The following RANBP2 variants were observed in gnomAD, a reference collection of about 807,000 sequenced individuals.
The protein encoded by RANBP2 is RAN binding protein 2.
RANBP2 carries 57 observed loss-of-function variants against 303.6 expected under a neutral mutation model. The ratio of observed to expected loss-of-function variants is 0.19; its 90% CI spans 0.15 to 0.23. RANBP2 has a LOEUF of 0.23. RANBP2 is among the 10% of genes least tolerant of loss of function. RANBP2 has a pLI of 1.00. For missense variants in RANBP2, 3,138 were observed against 3,780.8 expected (o/e 0.83, Z 4.46); for synonymous variants, 1,167 against 1,301.5 (o/e 0.90, Z 2.23).
the RANBP2 span, among the ~76,000 whole-genome samples, chr2:108,899,713 C>T: frequency 5.9e-5 from 9 of 152,266 alleles, no homozygotes; most frequent in Non-Finnish European, 8.8e-5. Context: ...AGGCTGGGCA[C>T]GGTGGCTCAC....
chr2:109,683,046 C>T, the RANBP2 span, among the ~76,000 whole-genome samples: 1 of 152,144 alleles, frequency 6.6e-6, no homozygotes, highest in African/African-American at 2.4e-5. Context: ...TGCTCTGTTG[C>T]CCAGGCTGGA....
the RANBP2 span, among the ~76,000 whole-genome samples, chr2:108,999,933 C>A: frequency 6.6e-6 from 1 of 152,078 alleles, no homozygotes; most frequent in East Asian, 1.9e-4. Context: ...TTAGTTCAGT[C>A]CCATCTTATG....
At chr2:109,096,601 G>GA in the RANBP2 span, among the ~76,000 whole-genome samples, 1 of 151,920 alleles carries the variant, frequency 6.6e-6, no homozygotes, top group African/African-American at 2.4e-5. Flanking sequence ...TAGAATAAAG[G>GA]AAAAAAACTG....
chr2:109,124,938 A>AAAAAAAACCCAAATT, the RANBP2 span, among the ~76,000 whole-genome samples: 1 of 152,144 alleles, frequency 6.6e-6, no homozygotes. Flanking sequence ...ATCGTAAATA[A>AAAAAAAACCCAAATT]TGTGCATCAA....
the RANBP2 span, among the ~76,000 whole-genome samples, chr2:109,477,098 A>G: frequency 1.3e-5 from 2 of 152,180 alleles, no homozygotes; most frequent in Admixed American, 6.5e-5. Context: ...TCTCAGCCTC[A>G]TGTTACCTAG....
At chr2:109,058,126 C>T in the RANBP2 span, among the ~76,000 whole-genome samples, 1 of 152,172 alleles carries the variant, frequency 6.6e-6, no homozygotes, top group Non-Finnish European at 1.5e-5. Context: ...CCAGTGATGC[C>T]CGTGGGCTCG....
At chr2:109,267,444 C>T in the RANBP2 span, among the ~76,000 whole-genome samples, 11 of 152,230 alleles carry the variant, frequency 7.2e-5, no homozygotes, top group African/African-American at 1.9e-4. Context: ...CTGAGGAAGC[C>T]TGGCTCCCGG....
intron 7 of RANBP2, among the ~76,000 whole-genome samples, chr2:108,743,866 A>G (rs1339621081): frequency 6.6e-6 from 1 of 152,238 alleles, no homozygotes; most frequent in African/African-American, 2.4e-5. Flanking sequence ...TTTCTGTAGA[A>G]TGAATATATA....
At chr2:109,430,113 C>G in the RANBP2 span, among the ~76,000 whole-genome samples, 23 of 152,314 alleles carry the variant, frequency 1.5e-4, no homozygotes, top group African/African-American at 4.1e-4. Context: ...ATGAGCCCCC[C>G]ACTCCAGAGG....
the RANBP2 span, among the ~76,000 whole-genome samples, chr2:108,810,291 G>C: frequency 6.6e-6 from 1 of 152,102 alleles, no homozygotes; most frequent in Non-Finnish European, 1.5e-5. Context: ...GTTATATATA[G>C]CTTTTAATGT....
At chr2:108,955,421 A>C in the RANBP2 span, among the ~76,000 whole-genome samples, 2 of 152,238 alleles carry the variant, frequency 1.3e-5, no homozygotes, top group African/African-American at 4.8e-5. Context: ...ATTTTCTTTC[A>C]GTCCCTTATT....
the RANBP2 span, among the ~76,000 whole-genome samples, chr2:108,833,203 T>G: frequency 2.0e-5 from 3 of 152,242 alleles, no homozygotes; most frequent in Non-Finnish European, 4.4e-5. Flanking sequence ...TGTCAAAATC[T>G]GTAGACTATA....
At chr2:109,646,617 G>A in the RANBP2 span, among the ~76,000 whole-genome samples, 5 of 150,604 alleles carry the variant, frequency 3.3e-5, no homozygotes, top group South Asian at 2.1e-4. Context: ...TCAGCCTCCC[G>A]AATAGCTGGG....
At chr2:109,448,130 G>C in the RANBP2 span, among the ~76,000 whole-genome samples, 1 of 152,206 alleles carries the variant, frequency 6.6e-6, no homozygotes, top group Non-Finnish European at 1.5e-5. Context: ...GCCAGTTCGG[G>C]ATCAAGAGTA....
the RANBP2 span, chr2:109,613,716 A>AG: frequency 1.1e-6 from 1 of 923,436 alleles, no homozygotes; most frequent in Non-Finnish European, 1.4e-6. Context: ...GGGCCGGACC[A>AG]GGGGGCCGGT....
At chr2:109,130,527 G>A in the RANBP2 span, among the ~76,000 whole-genome samples, 1 of 152,190 alleles carries the variant, frequency 6.6e-6, no homozygotes, top group Non-Finnish European at 1.5e-5. Flanking sequence ...ACAGGGCTCT[G>A]ATGGCTGCTC....
the RANBP2 span, among the ~76,000 whole-genome samples, chr2:108,844,283 A>T: frequency 6.6e-6 from 1 of 151,826 alleles, no homozygotes; most frequent in South Asian, 2.1e-4. Context: ...GGTTGTTTGC[A>T]GTTGTTCAGG....
the RANBP2 span, among the ~76,000 whole-genome samples, chr2:109,109,350 T>C: frequency 3.3e-5 from 5 of 152,342 alleles, no homozygotes; most frequent in Admixed American, 2.0e-4. Flanking sequence ...CAGGCACACA[T>C]GGAAGGCAGG....
the RANBP2 span, among the ~76,000 whole-genome samples, chr2:109,030,634 G>C: frequency 6.6e-6 from 1 of 152,194 alleles, no homozygotes; most frequent in African/African-American, 2.4e-5. Context: ...TTCTAGAATT[G>C]TACTTTCCTG....
Sources: gnomAD v4.1 joint callset for allele counts (sites outside exome capture counted in the v4.1 genomes callset) on GRCh38, gnomAD v4.1.1 for gene constraint, MANE v1.5 for transcripts, NCBI Gene and HGNC (gene_info 2026-07-23, HGNC 2026-07-21) for gene names.